The following ZC3H12C variants were observed in gnomAD, a reference collection of about 807,000 sequenced individuals.
ZC3H12C encodes the protein zinc finger CCCH-type containing 12C, also known as probable ribonuclease ZC3H12C.
ZC3H12C carries 20 observed loss-of-function variants against 76.3 expected under a neutral mutation model. The observed-to-expected ratio is 0.26, with a 90% confidence interval of 0.18 to 0.38. ZC3H12C has a LOEUF of 0.38. Among genes scored for constraint, ZC3H12C ranks in the 10% least tolerant of loss-of-function variants. The probability of loss-of-function intolerance (pLI) is 1.00; values close to 1 mark genes in which losing one functional copy is unlikely to be tolerated. For missense variants in ZC3H12C, 874 were observed against 1,086.5 expected, an observed-to-expected ratio of 0.80 and a Z score of 2.75; for synonymous variants, 352 against 399.6, an observed-to-expected ratio of 0.88 and a Z score of 1.42.
intron 1 of ZC3H12C, among the ~76,000 whole-genome samples, chr11:110,102,008 A>G (rs1219845480): frequency 1.3e-5 from 2 of 151,828 alleles, no homozygotes; most frequent in African/African-American, 2.4e-5. Context: ...AATATGTAAT[A>G]TTACTATTCA....
intron 3 of ZC3H12C, among the ~76,000 whole-genome samples, chr11:110,156,832 C>T (rs1862384527): frequency 6.6e-6 from 1 of 152,160 alleles, no homozygotes; most frequent in Non-Finnish European, 1.5e-5. Flanking sequence ...ATGACAGCTC[C>T]TATAATTGAG....
At chr11:110,153,274 G>A (rs1342812832) in intron 3 of ZC3H12C, among the ~76,000 whole-genome samples, 3 of 152,118 alleles carry the variant, frequency 2.0e-5, no homozygotes, top group East Asian at 3.9e-4. Flanking sequence ...TGCAACCTCC[G>A]CCTCCCAGGT....
At chr11:110,130,923 C>G in intron 1 of ZC3H12C, 1 of 1,104,400 alleles carries the variant, frequency 9.1e-7, no homozygotes, top group Non-Finnish European at 1.3e-6. Flanking sequence ...TAATTGTGAG[C>G]TTTCTGGCCT....
intron 1 of ZC3H12C, among the ~76,000 whole-genome samples, chr11:110,132,308 C>T (rs990495187): frequency 2.6e-5 from 4 of 151,848 alleles, no homozygotes; most frequent in Non-Finnish European, 4.4e-5. Context: ...TTTGGTCACT[C>T]GATGGAGGAA....
chr11:110,106,724 GA>G, intron 1 of ZC3H12C, among the ~76,000 whole-genome samples: 1 of 152,246 alleles, frequency 6.6e-6, no homozygotes, highest in East Asian at 1.9e-4. Context: ...TGATATAAAA[GA>G]AAGTTATTTG....
intron 2 of ZC3H12C, 92 bp from the exon 3 acceptor site, chr11:110,152,827 T>C (rs1412315834): frequency 2.8e-6 from 4 of 1,407,950 alleles, no homozygotes; most frequent in Non-Finnish European, 3.9e-6. Context: ...ATTACTGTTG[T>C]AACTATGTAA....
intron 4 of ZC3H12C, among the ~76,000 whole-genome samples, chr11:110,162,995 C>T (rs1433299831): frequency 6.6e-6 from 1 of 152,164 alleles, no homozygotes; most frequent in African/African-American, 2.4e-5. Flanking sequence ...TACAAAATCC[C>T]AAGACTGAGA....
chr11:110,161,078 A>C (rs1288186529), intron 4 of ZC3H12C, among the ~76,000 whole-genome samples: 1 of 151,984 alleles, frequency 6.6e-6, no homozygotes, highest in African/African-American at 2.4e-5. Flanking sequence ...TCCTGACCTC[A>C]AGTGGTCTGT....
Position 110,164,657 on chromosome 11 carries a change from C to A in ZC3H12C, c.1572C>A (p.Ile524=), listed in dbSNP as rs778667538. The change falls in exon 6 of 6, where the codon ATC becomes ATA. Residue 524 remains isoleucine, a synonymous_variant. Coordinates refer to ENST00000278590, the MANE Select transcript of ZC3H12C (RefSeq NM_033390.2). The surrounding 1 kb of genome is among the most constrained non-coding windows in gnomAD (Gnocchi z 5.7). ...ETRSVPSLVS[I]PATSTAKPQS... is the part of the protein sequence containing the mutation. Reference sequence around the variant, plus strand: ...GGTCTGTACCTTCCTTAGTTAGCATCCCAGCTACTTCTACTGCAAAACCCC... The same window carrying A: ...GGTCTGTACCTTCCTTAGTTAGCATACCAGCTACTTCTACTGCAAAACCCC... 1.9e-6 allele frequency: 3 copies of A among 1,613,996 alleles called. No individual in the cohort carries two copies. The highest frequency in any genetic ancestry group is 2.2e-5 in the South Asian group (2 of 91,076).
intron 2 of ZC3H12C, among the ~76,000 whole-genome samples, chr11:110,139,697 G>A (rs148781324): frequency 6.6e-6 from 1 of 152,188 alleles, no homozygotes; most frequent in African/African-American, 2.4e-5. Flanking sequence ...ATTGCCAAAC[G>A]AGGGAATAGT....
chr11:110,107,444 A>G (rs1348834227), intron 1 of ZC3H12C, among the ~76,000 whole-genome samples: 1 of 152,084 alleles, frequency 6.6e-6, no homozygotes, highest in Non-Finnish European at 1.5e-5. Context: ...GTACAATGGC[A>G]TGATCTCAGC....
rs943538118 is a variant in ZC3H12C, at chr11:110,170,035, G to T, written c.*4298G>T. On this transcript the variant is annotated 3_prime_UTR_variant, in exon 6 of 6. Transcript: ENST00000278590. ...TAAATCCTGGTATATGTTAATAGAA[G>T]AAATCATAATTGCATTTCAGTTGAC... 7.9e-5 allele frequency: 12 copies of T among 152,304 alleles called. No homozygotes were observed. The South Asian group carries it at 1.9e-3, about 24-fold the overall frequency. The allele number at this position is 152,304 out of a possible 1,614,324, so 9.4% of individuals were successfully genotyped here.
In ZC3H12C at chr11:110,136,687, G is replaced by A. The variant is rs778394205; in HGVS notation, c.46G>A (p.Glu16Lys). 2.0e-5 allele frequency: 32 copies of A among 1,613,584 alleles called. No homozygotes were observed. The highest frequency in any genetic ancestry group is 2.6e-5 in the Non-Finnish European group (31 of 1,179,802). The change falls in exon 2 of 6, where the codon GAA (glutamate) becomes AAA (lysine). Residue 16 changes from glutamate to lysine, a missense_variant. This residue lies in a region of ZC3H12C where 210 missense variants were observed against 227.1 expected (regional missense o/e 0.92). Transcript: ENST00000278590. ...GGAATACGGGGTGCTTTGCATTCAG[G>A]AATACAGAAAAAACAGCAAAGTGGA... ...SQEYGVLCIQ[E>K]YRKNSKVESS...
chr11:110,126,820 T>C (rs1861756921), intron 1 of ZC3H12C, among the ~76,000 whole-genome samples: 1 of 152,198 alleles, frequency 6.6e-6, no homozygotes, highest in African/African-American at 2.4e-5. Context: ...CATATTTTAA[T>C]GAATAAATAC....
At chr11:110,145,604 C>CT (rs568435064) in intron 2 of ZC3H12C, among the ~76,000 whole-genome samples, 1 of 147,522 alleles carries the variant, frequency 6.8e-6, no homozygotes, top group Non-Finnish European at 1.5e-5. Context: ...AAATTGGGGG[C>CT]GGGGGGGAGT....
At position 110,137,126 on chromosome 11, in the gene ZC3H12C, A is replaced by T. The variant is rs927143420; in HGVS notation, c.485A>T (p.Tyr162Phe). Residue 162 changes from tyrosine (Y) to phenylalanine (F), a missense_variant, in exon 2 of 6, where the codon TAC becomes TTC. Tyr to Phe is a conservative substitution (Grantham distance 22). Transcript: ENST00000278590. ...AKKPPDVVRE[Y>F]QTKLEFALKL... ...AAACCACCTGATGTGGTGCGAGAATACCAAACAAAACTGGAGTTTGCACTT... is the reference window on the plus strand; with the variant it reads ...AAACCACCTGATGTGGTGCGAGAATTCCAAACAAAACTGGAGTTTGCACTT... 1 of 1,613,870 alleles carries T rather than the reference A, an allele frequency of 6.2e-7. No homozygotes were observed. The highest frequency in any genetic ancestry group is 1.7e-5 in the Admixed American group (1 of 59,994).
At chr11:110,102,878 T>C (rs1482087403) in intron 1 of ZC3H12C, among the ~76,000 whole-genome samples, 1 of 152,200 alleles carries the variant, frequency 6.6e-6, no homozygotes, top group Non-Finnish European at 1.5e-5. Flanking sequence ...CACTGAAGGC[T>C]CAGATAATCA....
At chr11:110,121,278 C>T (rs1861646593) in intron 1 of ZC3H12C, among the ~76,000 whole-genome samples, 1 of 152,266 alleles carries the variant, frequency 6.6e-6, no homozygotes, top group South Asian at 2.1e-4. Flanking sequence ...TGATTTAGCA[C>T]ATTTGTATTC....
chr11:110,134,318 T>G (rs1861916445), intron 1 of ZC3H12C, among the ~76,000 whole-genome samples: 1 of 152,118 alleles, frequency 6.6e-6, no homozygotes, highest in East Asian at 1.9e-4. Context: ...ACCAAATTAT[T>G]CTTTCACTGT....
Sources: gnomAD v4.1 joint callset for allele counts (sites outside exome capture counted in the v4.1 genomes callset) on GRCh38, gnomAD v4.1.1 for gene constraint, gnomAD v4.1.1 regional missense constraint, Gnocchi (gnomAD v3.1) non-coding constraint, MANE v1.5 for transcripts, NCBI Gene and HGNC (gene_info 2026-07-23, HGNC 2026-07-21) for gene names.